The following HTR1F variants were observed in gnomAD, a reference collection of about 807,000 sequenced individuals.
The protein encoded by HTR1F is 5-hydroxytryptamine (serotonin) receptor 1F, G protein-coupled.
Under a neutral mutation model 24.0 loss-of-function variants are expected in HTR1F, and 17 were observed. The observed-to-expected ratio is 0.71, with a 90% CI of 0.48 to 1.06. The LOEUF is 1.06. Among genes scored for constraint, HTR1F ranks in the 50% least tolerant of loss-of-function variants. The pLI, the probability that HTR1F is intolerant of heterozygous loss-of-function variation, is 0.00. For missense variants in HTR1F, 391 were observed against 427.8 expected (o/e 0.91, Z 0.76); for synonymous variants, 186 against 156.8 (o/e 1.19, Z -1.39).
chr3:87,875,760 T>C (rs1705656434), intron 2 of HTR1F, among the ~76,000 whole-genome samples: 1 of 151,484 alleles, frequency 6.6e-6, no homozygotes, highest in Admixed American at 6.6e-5. Flanking sequence ...CCATCTCTAC[T>C]AAAAATACAA....
intron 1 of HTR1F, among the ~76,000 whole-genome samples, chr3:87,796,741 G>T (rs966417964): frequency 6.6e-6 from 1 of 152,180 alleles, no homozygotes; most frequent in African/African-American, 2.4e-5. Flanking sequence ...TAAAGGCAAA[G>T]AATTACCTTG....
chr3:87,849,043 T>C (rs1022230238), intron 2 of HTR1F, among the ~76,000 whole-genome samples: 1 of 151,468 alleles, frequency 6.6e-6, no homozygotes, highest in African/African-American at 2.5e-5. Context: ...CAAGGTAATT[T>C]ACAGATTCAC....
chr3:87,831,163 C>T (rs906699583), intron 2 of HTR1F, among the ~76,000 whole-genome samples: 1 of 151,610 alleles, frequency 6.6e-6, no homozygotes, highest in African/African-American at 2.4e-5. Context: ...TTGAAATATT[C>T]TTATATATAT....
At chr3:87,958,148 T>A (rs558508039) in intron 2 of HTR1F, among the ~76,000 whole-genome samples, 99 of 151,776 alleles carry the variant, frequency 6.5e-4, no homozygotes, top group African/African-American at 2.3e-3. Context: ...ATTATTTAGA[T>A]GTATGCTGTT....
At chr3:87,897,834 C>T (rs1706235753) in intron 2 of HTR1F, among the ~76,000 whole-genome samples, 2 of 152,066 alleles carry the variant, frequency 1.3e-5, no homozygotes, top group Admixed American at 1.3e-4. Context: ...CCAGTACCTC[C>T]TGTAGGAAAT....
At chr3:87,836,923 T>C (rs912855942) in intron 2 of HTR1F, among the ~76,000 whole-genome samples, 1 of 152,056 alleles carries the variant, frequency 6.6e-6, no homozygotes, top group African/African-American at 2.4e-5. Flanking sequence ...GTTATTAATA[T>C]AGTATCATTA....
At chr3:87,899,655 G>T (rs572832523) in intron 2 of HTR1F, among the ~76,000 whole-genome samples, 1 of 152,154 alleles carries the variant, frequency 6.6e-6, no homozygotes, top group Non-Finnish European at 1.5e-5. Flanking sequence ...TTGGGGTGAG[G>T]AGTTCGAGAC....
intron 2 of HTR1F, among the ~76,000 whole-genome samples, chr3:87,977,701 A>G (rs905081945): frequency 2.5e-4 from 38 of 151,752 alleles, no homozygotes; most frequent in Non-Finnish European, 5.4e-4. Context: ...GATTACAGGC[A>G]TGAGCCACTG....
chr3:87,795,906 CATAAT>C (rs1703896921), intron 1 of HTR1F, among the ~76,000 whole-genome samples: 1 of 152,158 alleles, frequency 6.6e-6, no homozygotes, highest in Non-Finnish European at 1.5e-5. Context: ...CTATTAATTT[CATAAT>C]CTTTCCAATT....
intron 1 of HTR1F, among the ~76,000 whole-genome samples, chr3:87,804,358 G>T (rs1283050979): frequency 6.6e-6 from 1 of 152,014 alleles, no homozygotes; most frequent in African/African-American, 2.4e-5. Context: ...TAATGCTTGA[G>T]CCCAGGTGCT....
At chr3:87,950,601 A>G (rs1290548918) in intron 2 of HTR1F, among the ~76,000 whole-genome samples, 3 of 152,112 alleles carry the variant, frequency 2.0e-5, no homozygotes, top group Non-Finnish European at 4.4e-5. Context: ...ATTTCTAAAT[A>G]TATTGAGTTT....
At chr3:87,869,428 G>GATAC (rs1169912348) in intron 2 of HTR1F, among the ~76,000 whole-genome samples, 3,438 of 124,630 alleles carry the variant, frequency 0.028, 50 homozygotes, top group Middle Eastern at 0.055. Flanking sequence ...TAGATAGATA[G>GATAC]ATAGATACAT....
At chr3:87,965,969 G>A (rs1448177505) in intron 2 of HTR1F, among the ~76,000 whole-genome samples, 1 of 152,102 alleles carries the variant, frequency 6.6e-6, no homozygotes, top group East Asian at 1.9e-4. Flanking sequence ...TTCATATTAT[G>A]TCTTCCTCCT....
At chr3:87,895,280 T>C (rs1220025262) in intron 2 of HTR1F, among the ~76,000 whole-genome samples, 2 of 152,084 alleles carry the variant, frequency 1.3e-5, no homozygotes, top group East Asian at 3.9e-4. Context: ...TTATACAGAT[T>C]AAATACACAT....
At chr3:87,936,976 AAAAT>A (rs1704435967) in intron 2 of HTR1F, among the ~76,000 whole-genome samples, 1 of 151,988 alleles carries the variant, frequency 6.6e-6, no homozygotes, top group Non-Finnish European at 1.5e-5. Context: ...AAACTGAATA[AAAAT>A]AAATAGCCTA....
intron 2 of HTR1F, among the ~76,000 whole-genome samples, chr3:87,873,133 C>G (rs1587729): frequency 0.19 from 24,717 of 130,250 alleles, 2,626 homozygotes; most frequent in African/African-American, 0.32. Context: ...CACACACACA[C>G]AGAGAGATTT....
At chr3:87,941,191 C>A (rs1304336401) in intron 2 of HTR1F, among the ~76,000 whole-genome samples, 1 of 152,210 alleles carries the variant, frequency 6.6e-6, no homozygotes, top group East Asian at 1.9e-4. Flanking sequence ...GTCCATCTTA[C>A]TAAATGGGTA....
intron 2 of HTR1F, among the ~76,000 whole-genome samples, chr3:87,948,010 G>T (rs1704749141): frequency 6.6e-6 from 1 of 151,814 alleles, no homozygotes; most frequent in Non-Finnish European, 1.5e-5. Context: ...TTGTCAAAGA[G>T]TGAAAAAAAT....
At chr3:87,913,690 A>G (rs941662685) in intron 2 of HTR1F, among the ~76,000 whole-genome samples, 1 of 152,216 alleles carries the variant, frequency 6.6e-6, no homozygotes, top group Non-Finnish European at 1.5e-5. Flanking sequence ...CTAAGCACCC[A>G]TCAATGGCAG....
Sources: gnomAD v4.1 joint callset for allele counts (sites outside exome capture counted in the v4.1 genomes callset) on GRCh38, gnomAD v4.1.1 for gene constraint, MANE v1.5 for transcripts, NCBI Gene and HGNC (gene_info 2026-07-23, HGNC 2026-07-21) for gene names.